AGXT2: variants seen among roughly 807,000 people sequenced by gnomAD.
The protein encoded by AGXT2 is alanine--glyoxylate aminotransferase 2.
AGXT2 carries 61 observed loss-of-function variants against 62.5 expected under a neutral mutation model. The observed-to-expected ratio is 0.98, with a 90% CI of 0.79 to 1.21. The LOEUF (loss-of-function observed/expected upper bound fraction) is 1.21. Ranked by LOEUF, AGXT2 falls within the 50% of genes most tolerant of loss-of-function variation. AGXT2 has a pLI of 0.00. For missense variants in AGXT2, 666 were observed against 641.5 expected (o/e 1.04, Z -0.41); for synonymous variants, 243 against 218.7 (o/e 1.11, Z -0.98).
intron 11 of AGXT2, among the ~76,000 whole-genome samples, chr5:35,010,417 C>T (rs1303304278): frequency 6.6e-6 from 1 of 152,168 alleles, no homozygotes; most frequent in Admixed American, 6.5e-5. Flanking sequence ...TGGTGGCTCA[C>T]ACCTGTAATC....
chr5:35,033,485 A>T lies in AGXT2; in HGVS notation c.650T>A (p.Leu217His). 6.2e-7 allele frequency: 1 copy of T among 1,613,634 alleles called. No homozygotes were observed. Residue 217 changes from leucine (L) to histidine (H), a missense_variant, in exon 6 of 14, where the codon CTC (leucine) becomes CAC (histidine). Coordinates refer to ENST00000231420, the MANE Select transcript of AGXT2 (RefSeq NM_031900.4). ...LTNVGTYKME[L>H]PGGTGCQPTM... ...TGGTTGGCAACCTGTCCCACCAGGG[A>T]GTTCCATCTTGTAGGTCCCTACGTT...
intron 9 of AGXT2, among the ~76,000 whole-genome samples, chr5:35,022,642 G>C (rs1158722270): frequency 6.6e-6 from 1 of 151,192 alleles, no homozygotes; most frequent in African/African-American, 2.4e-5. Context: ...GTTAGTGGGT[G>C]CAGCGCACCA....
intron 1 of AGXT2, among the ~76,000 whole-genome samples, chr5:35,045,172 A>G (rs1768137858): frequency 6.6e-6 from 1 of 152,248 alleles, no homozygotes. Context: ...GTTAGCCCAA[A>G]GTGATTGTGC....
rs1321056806 is a variant in AGXT2, at chr5:35,038,802, C to T, written c.362+522G>A. ...TGTGTGGGCGAGTATACCGTCAACA[C>T]TGCAGACAATCTCTAGATTAATTGA... On this transcript the variant is annotated intron_variant, in intron 3 of 13. Coordinates refer to ENST00000231420, the MANE Select transcript of AGXT2 (RefSeq NM_031900.4). Among the ~76,000 whole-genome samples the T allele has an allele frequency of 3.9e-5, 6 of 152,216 alleles. No homozygotes were observed. In the East Asian group the frequency reaches 1.2e-3, roughly 29 times the overall value.
At chr5:35,028,269 C>T (rs546637840) in intron 7 of AGXT2, among the ~76,000 whole-genome samples, 2 of 152,260 alleles carry the variant, frequency 1.3e-5, no homozygotes, top group Non-Finnish European at 2.9e-5. Context: ...TTGTTTTCCA[C>T]TGGAGAAAAC....
chr5:35,013,103 C>T, intron 10 of AGXT2, 58 bp from the exon 11 acceptor site: 1 of 1,446,402 alleles, frequency 6.9e-7, no homozygotes, highest in Non-Finnish European at 9.5e-7. Context: ...CACAATCTCT[C>T]ATCGCGCCAT....
At chr5:35,045,551 C>T (rs1445294168) in intron 1 of AGXT2, among the ~76,000 whole-genome samples, 1 of 152,048 alleles carries the variant, frequency 6.6e-6, no homozygotes, top group African/African-American at 2.4e-5. Context: ...AATAGATGCT[C>T]AAATATTTTG....
In AGXT2 at chr5:35,043,527, G is replaced by T. The variant is rs577485495; in HGVS notation, c.89-2864C>A. Among the ~76,000 whole-genome samples, 7 of 152,230 alleles carry T rather than the reference G, an allele frequency of 4.6e-5. No homozygotes were observed. The East Asian group carries it at 1.4e-3, about 29-fold the overall frequency. Reference sequence around the variant, plus strand: ...CTTTAATTTACAGATGCCCAGGGATGATTTCTTTCTTTTTTTCTTTTTTGA... The same window carrying T: ...CTTTAATTTACAGATGCCCAGGGATTATTTCTTTCTTTTTTTCTTTTTTGA... On this transcript the variant is annotated intron_variant, in intron 1 of 13. Transcript: ENST00000231420.
chr5:35,043,091 T>C (rs927423363), intron 1 of AGXT2, among the ~76,000 whole-genome samples: 1 of 152,336 alleles, frequency 6.6e-6, no homozygotes, highest in Non-Finnish European at 1.5e-5. Flanking sequence ...CAGAGTTCTA[T>C]AGCAGACAGT....
chr5:35,032,622 C>T, intron 7 of AGXT2, 110 bp downstream of exon 7: 1 of 1,071,758 alleles, frequency 9.3e-7, no homozygotes, highest in Non-Finnish European at 1.4e-6. Context: ...TCTGGCTTTT[C>T]CCTTTTCCAT....
chr5:35,005,324 G>C (rs968559440), intron 12 of AGXT2, among the ~76,000 whole-genome samples: 41 of 152,164 alleles, frequency 2.7e-4, no homozygotes, highest in Non-Finnish European at 5.6e-4. Context: ...TGCCTCCTGG[G>C]CTCAAGTGAT....
At chr5:35,029,173 A>G (rs1490752780) in intron 7 of AGXT2, among the ~76,000 whole-genome samples, 2 of 152,236 alleles carry the variant, frequency 1.3e-5, no homozygotes, top group Non-Finnish European at 2.9e-5. Context: ...GATGAGAAGA[A>G]TATAGTAGAC....
chr5:35,037,509 TC>T (rs1767823592), intron 3 of AGXT2, among the ~76,000 whole-genome samples: 1 of 95,594 alleles, frequency 1.0e-5, no homozygotes, highest in East Asian at 3.0e-4. Flanking sequence ...CTTCCCTCCC[TC>T]CCTCCCTTCC....
chr5:35,039,021 C>A (rs533651124), intron 3 of AGXT2, among the ~76,000 whole-genome samples: 1 of 152,288 alleles, frequency 6.6e-6, no homozygotes, highest in Admixed American at 6.5e-5. Context: ...CTTCCTTTCC[C>A]TGAATGCACC....
chr5:35,037,252 GGT>G (rs1767811404), intron 3 of AGXT2, among the ~76,000 whole-genome samples, 187 bp from the exon 4 acceptor site: 1 of 152,152 alleles, frequency 6.6e-6, no homozygotes, highest in South Asian at 2.1e-4. Context: ...TGACTTAAAA[GGT>G]AATGAATTCC....
At chr5:35,036,887 T>C (rs1014771240) in intron 4 of AGXT2, 55 bp downstream of exon 4, 11 of 1,610,162 alleles carry the variant, frequency 6.8e-6, no homozygotes, top group African/African-American at 6.7e-5. Context: ...GCTGGGAGCA[T>C]CATACCTTTT....
At position 35,032,765 on chromosome 5, in the gene AGXT2, C is replaced by A. The variant is rs745849046; in HGVS notation, c.736G>T (p.Val246Leu). 128 of 1,609,660 alleles carry A rather than the reference C, an allele frequency of 8.0e-5. No homozygotes were observed. Among genetic ancestry groups the A allele is most frequent in the Middle Eastern group, 1.6e-4 (1 of 6,078 alleles). The change falls in exon 7 of 14, where the codon GTG (valine) becomes TTG (leucine). Residue 246 changes from valine to leucine, a missense_variant. By Grantham distance (32) the Val-to-Leu change is conservative. Transcript: ENST00000231420. ...WGGSHCRDSP[V>L]QTIRKCSCAP... ...CAGCTGCACTTCCTGATTGTTTGCA[C>A]TGGAGAATCTCGACAGTGGCTTCCT...
intron 1 of AGXT2, among the ~76,000 whole-genome samples, chr5:35,047,365 C>A (rs1035610596): frequency 3.3e-5 from 5 of 152,126 alleles, no homozygotes; most frequent in Non-Finnish European, 7.4e-5. Flanking sequence ...ATTATTTGAG[C>A]CTTGGAGGTC....
At chr5:35,002,782 G>GGGA (rs1766281734) in intron 13 of AGXT2, among the ~76,000 whole-genome samples, 1 of 152,002 alleles carries the variant, frequency 6.6e-6, no homozygotes, top group African/African-American at 2.4e-5. Flanking sequence ...AGGCTGGGGG[G>GGGA]GGGGACTAAC....
Sources: allele counts gnomAD v4.1 joint callset (sites outside exome capture counted in the v4.1 genomes callset), GRCh38; gene constraint gnomAD v4.1.1; transcripts MANE v1.5; gene names NCBI Gene and HGNC (gene_info 2026-07-23, HGNC 2026-07-21).